KLC1: variants seen among roughly 807,000 people sequenced by gnomAD.
KLC1 encodes the protein kinesin 2 60/70kDa.
In KLC1, 30 loss-of-function variants were observed where a neutral mutation model predicts 84.2. The ratio of observed to expected loss-of-function variants is 0.36; its 90% CI spans 0.27 to 0.48. The LOEUF (loss-of-function observed/expected upper bound fraction) is 0.48, where lower values mean the gene tolerates loss of function less well. Among genes scored for constraint, KLC1 ranks in the 20% least tolerant of loss-of-function variants. The probability of loss-of-function intolerance (pLI) is 0.99; values close to 1 mark genes in which losing one functional copy is unlikely to be tolerated. For synonymous variants in KLC1, 289 were observed against 293.3 expected (o/e 0.99, Z 0.15); for missense variants, 499 against 805.4 (o/e 0.62, Z 4.60).
intron 1 of KLC1, among the ~76,000 whole-genome samples, chr14:103,638,518 T>C (rs1006996658): frequency 1.3e-5 from 2 of 149,474 alleles, no homozygotes; most frequent in African/African-American, 4.8e-5. Context: ...TAGTGCTTGG[T>C]GTTTTTTTTT....
intron 11 of KLC1, among the ~76,000 whole-genome samples, chr14:103,676,656 C>T (rs1263813516): frequency 6.6e-6 from 1 of 152,204 alleles, no homozygotes; most frequent in Non-Finnish European, 1.5e-5. Context: ...TCCCATAGCA[C>T]TTACCATAGA....
chr14:103,639,929 A>AT lies in KLC1; in HGVS notation c.-2+10444dup, dbSNP rs143866755. ...GTCACCACACCCAGCTAATTTTGGTATTTTTTTTTAGGATGGGGTTTTGCC... is the reference window on the plus strand; with the variant it reads ...GTCACCACACCCAGCTAATTTTGGTATTTTTTTTTTAGGATGGGGTTTTGCC... On this transcript the variant is annotated intron_variant, in intron 1 of 16. Transcript: ENST00000334553. Among the ~76,000 whole-genome samples the AT allele has an allele frequency of 6.1e-3, 900 of 147,378 alleles. 36 individuals are homozygous for AT. The East Asian group carries it at 0.12, about 19-fold the overall frequency.
intron 1 of KLC1, among the ~76,000 whole-genome samples, chr14:103,652,583 C>T (rs547374357): frequency 6.6e-6 from 1 of 152,260 alleles, no homozygotes; most frequent in East Asian, 1.9e-4. Flanking sequence ...CTCCTGCCTC[C>T]TGGCTTCAAG....
intron 5 of KLC1, among the ~76,000 whole-genome samples, chr14:103,667,522 G>A (rs1320769349): frequency 6.6e-6 from 1 of 152,082 alleles, no homozygotes; most frequent in Non-Finnish European, 1.5e-5. Context: ...TTTTAGTAGA[G>A]ATGGGGTTTC....
chr14:103,673,495 A>G, intron 9 of KLC1, 64 bp downstream of exon 9: 2 of 994,022 alleles, frequency 2.0e-6, no homozygotes, highest in Non-Finnish European at 3.0e-6. Context: ...ATAGTAATAT[A>G]CTAATAGTAT....
At chr14:103,689,033 G>T (rs1282266045) in intron 14 of KLC1, among the ~76,000 whole-genome samples, 1 of 151,046 alleles carries the variant, frequency 6.6e-6, no homozygotes, top group Non-Finnish European at 1.5e-5. Flanking sequence ...AAACAGCATT[G>T]AGAGGGTTGG....
intron 15 of KLC1, chr14:103,696,630 C>T: frequency 1.0e-6 from 1 of 985,530 alleles, no homozygotes; most frequent in African/African-American, 1.7e-5. Context: ...CCGTGTCTTG[C>T]TGGGGCCAGC....
rs1053648957 is a variant in KLC1 at position 103,685,776 on chromosome 14, G to A, written c.1651-1305G>A. ...CAGAGCTGCACCTCTCTGTGAACTG[G>A]CCATTCCTTTCGGTGCTGCTGTCCT... On this transcript the variant is annotated intron_variant, in intron 13 of 16. Coordinates refer to ENST00000334553, the MANE Select transcript of KLC1 (RefSeq NM_001394837.1). The A allele has an allele frequency of 3.2e-6, 4 of 1,254,706 alleles. No individual in the cohort carries two copies. In the African/African-American group the frequency reaches 6.2e-5, roughly 19 times the overall value. 77.7% of individuals were successfully genotyped at this position (1,254,706 alleles called of 1,614,324 possible).
At chr14:103,657,414 G>A (rs1444530337) in intron 2 of KLC1, 132 bp from the exon 3 acceptor site, 1 of 644,266 alleles carries the variant, frequency 1.6e-6, no homozygotes, top group African/African-American at 1.8e-5. Flanking sequence ...ATGGCAGATT[G>A]TACTTATATG....
Position 103,657,677 on chromosome 14 carries a change from G to T in KLC1, c.393G>T (p.Leu131=). 6.2e-7 allele frequency: 1 copy of T among 1,614,206 alleles called. No individual in the cohort carries two copies. The highest frequency in any genetic ancestry group is 8.5e-7 in the Non-Finnish European group (1 of 1,180,032). The change falls in exon 3 of 17, where the codon CTG becomes CTT. Residue 131 remains leucine, a synonymous_variant. Transcript: ENST00000334553. The part of the protein sequence containing the change: ...RDELANTQQK[L]QKSEQSVAQL... The stretch of plus-strand genomic sequence containing the variant: ...AACTGGCCAACACGCAGCAGAAACT[G>T]CAGAAGAGTGAGCAGTCTGTGGCTC...
intron 5 of KLC1, among the ~76,000 whole-genome samples, chr14:103,664,250 C>G (rs539071452): frequency 9.2e-5 from 14 of 152,286 alleles, no homozygotes; most frequent in African/African-American, 3.4e-4. Flanking sequence ...TTCCTGAGTT[C>G]AAGTGATTCT....
At chr14:103,685,698 TC>T (rs2081730890) in intron 13 of KLC1, 7 of 1,289,538 alleles carry the variant, frequency 5.4e-6, no homozygotes, top group Non-Finnish European at 7.1e-6. Flanking sequence ...TCCCGCAGCT[TC>T]CCTTCTCTCT....
chr14:103,696,588 T>C, intron 15 of KLC1: 1 of 985,484 alleles, frequency 1.0e-6, no homozygotes. Context: ...TGGTCAGATT[T>C]CTGAATGCTG....
At chr14:103,695,449 C>T (rs1046047090) in intron 15 of KLC1, 9 of 984,558 alleles carry the variant, frequency 9.1e-6, no homozygotes, top group Non-Finnish European at 1.1e-5. Flanking sequence ...CTTCCCCTGA[C>T]AGGTGCCGTG....
chr14:103,669,892 T>G (rs554697476), intron 6 of KLC1, among the ~76,000 whole-genome samples: 56 of 152,362 alleles, frequency 3.7e-4, no homozygotes, highest in Admixed American at 2.0e-3. Flanking sequence ...CATTAAAATC[T>G]GGTCAGATTT....
chr14:103,663,773 C>T (rs139361524), intron 5 of KLC1, among the ~76,000 whole-genome samples: 7 of 152,004 alleles, frequency 4.6e-5, no homozygotes, highest in East Asian at 3.9e-4. Context: ...GGGCTGGAGC[C>T]GGAGGCAGGG....
chr14:103,700,870 C>A, intron 16 of KLC1, 143 bp downstream of exon 16: 1 of 701,502 alleles, frequency 1.4e-6, no homozygotes, highest in Non-Finnish European at 2.3e-6. Context: ...AGGGGCTTGG[C>A]TCAGGGTCCC....
chr14:103,689,986 C>G (rs2151841678), intron 14 of KLC1, among the ~76,000 whole-genome samples: 1 of 152,196 alleles, frequency 6.6e-6, no homozygotes, highest in East Asian at 1.9e-4. Flanking sequence ...TTGAAACCAG[C>G]CTGGCCATCA....
intron 15 of KLC1, chr14:103,698,234 C>T (rs1349174123): frequency 5.8e-6 from 1 of 173,596 alleles, no homozygotes; most frequent in Non-Finnish European, 1.2e-5. Flanking sequence ...TTTTGTGGGG[C>T]ACAGTGTGTG....
Sources: allele counts gnomAD v4.1 joint callset (sites outside exome capture counted in the v4.1 genomes callset), GRCh38; gene constraint gnomAD v4.1.1; transcripts MANE v1.5; gene names NCBI Gene and HGNC (gene_info 2026-07-23, HGNC 2026-07-21).